CNTNAP2: variants seen among roughly 807,000 people sequenced by gnomAD.
CNTNAP2 encodes contactin-associated protein-like 2.
A neutral mutation model predicts 155.2 loss-of-function variants in CNTNAP2; 98 were observed. The observed-to-expected ratio is 0.63, with a 90% CI of 0.54 to 0.75. The LOEUF is 0.75. Among genes scored for constraint, CNTNAP2 ranks in the 30% least tolerant of loss-of-function variants. CNTNAP2 has a pLI of 0.00. For synonymous variants in CNTNAP2, 651 were observed against 631.2 expected (o/e 1.03, Z -0.47); for missense variants, 1,727 against 1,688.1 (o/e 1.02, Z -0.40).
rs1369662912 is a variant in CNTNAP2, at chr7:146,497,759, T to G, written c.98-276512T>G. 3.3e-5 allele frequency among the ~76,000 whole-genome samples: 5 copies of G among 150,196 alleles called. No homozygotes were observed. The East Asian group carries it at 9.7e-4, about 29-fold the overall frequency. ...TATTCTAACATGTATCTATGATTAC[T>G]TACTTTTAAGTAATCATACATATGA... On this transcript the variant is annotated intron_variant, in intron 1 of 23. Coordinates refer to ENST00000361727, the MANE Select transcript of CNTNAP2 (RefSeq NM_014141.6).
rs1330416334 is a variant in CNTNAP2 at position 147,389,233 on chromosome 7, G to A, written c.1499-6376G>A. The stretch of plus-strand genomic sequence containing the variant: ...AACAGTAGAGACTAGTAGATATTTT[G>A]TGCAATCTGCCAAGATCAAATTGAA... On this transcript the variant is annotated intron_variant, in intron 9 of 23. Coordinates refer to ENST00000361727, the MANE Select transcript of CNTNAP2 (RefSeq NM_014141.6). 2.0e-5 allele frequency among the ~76,000 whole-genome samples: 3 copies of A among 152,148 alleles called. No homozygotes were observed. The East Asian group carries it at 5.8e-4, about 29-fold the overall frequency.
chr7:146,185,761 C>CCTT (rs1554400925), intron 1 of CNTNAP2, among the ~76,000 whole-genome samples: 1,134 of 94,838 alleles, frequency 0.012, 31 homozygotes, highest in African/African-American at 0.037. Context: ...TTTTATTATT[C>CCTT]TTTTTTTTTT....
intron 21 of CNTNAP2, among the ~76,000 whole-genome samples, chr7:148,300,447 AT>A (rs1277258462): frequency 1.2e-4 from 18 of 152,188 alleles, no homozygotes; most frequent in Non-Finnish European, 1.3e-4. Flanking sequence ...TACAGAAAGG[AT>A]AGTCTTTTGT....
intron 3 of CNTNAP2, among the ~76,000 whole-genome samples, chr7:147,008,675 T>A (rs973345468): frequency 4.6e-5 from 7 of 152,104 alleles, no homozygotes; most frequent in Admixed American, 6.6e-5. Flanking sequence ...ACAAAAATAA[T>A]TTTATAGATA....
chr7:148,015,710 G>A (rs1026220396), intron 15 of CNTNAP2, among the ~76,000 whole-genome samples: 11 of 152,140 alleles, frequency 7.2e-5, no homozygotes, highest in South Asian at 2.1e-4. Context: ...GGCATGTTAC[G>A]CCAGAGACAG....
chr7:148,384,205 T>C (rs1157055074), intron 22 of CNTNAP2, among the ~76,000 whole-genome samples: 2 of 152,238 alleles, frequency 1.3e-5, no homozygotes, highest in Non-Finnish European at 1.5e-5. Context: ...GTCTCACTTT[T>C]GCCTCTTATG....
At chr7:148,261,835 C>T (rs951745672) in intron 20 of CNTNAP2, among the ~76,000 whole-genome samples, 1 of 152,190 alleles carries the variant, frequency 6.6e-6, no homozygotes, top group South Asian at 2.1e-4. Flanking sequence ...CTCATGTCCT[C>T]GCACTCTGGG....
intron 12 of CNTNAP2, among the ~76,000 whole-genome samples, chr7:147,615,853 A>T (rs1801280587): frequency 6.6e-6 from 1 of 152,174 alleles, no homozygotes; most frequent in African/African-American, 2.4e-5. Flanking sequence ...TTAACATTGA[A>T]ATACCACTTA....
At chr7:147,607,911 T>A (rs2116871800) in intron 12 of CNTNAP2, among the ~76,000 whole-genome samples, 1 of 152,342 alleles carries the variant, frequency 6.6e-6, no homozygotes, top group African/African-American at 2.4e-5. Context: ...AGGTTATAAA[T>A]GTGTTTATTA....
At chr7:147,696,128 C>T (rs998009628) in intron 13 of CNTNAP2, among the ~76,000 whole-genome samples, 1 of 152,160 alleles carries the variant, frequency 6.6e-6, no homozygotes, top group African/African-American at 2.4e-5. Flanking sequence ...TTTATTCAGT[C>T]TGACAATCTC....
At chr7:147,785,053 G>A (rs1020125994) in intron 13 of CNTNAP2, among the ~76,000 whole-genome samples, 38 of 152,086 alleles carry the variant, frequency 2.5e-4, no homozygotes, top group African/African-American at 8.9e-4. Flanking sequence ...AGTTGGATGT[G>A]GCTTTGTGAG....
intron 14 of CNTNAP2, among the ~76,000 whole-genome samples, chr7:147,904,885 T>C (rs764922950): frequency 2.2e-5 from 3 of 137,482 alleles, no homozygotes; most frequent in Non-Finnish European, 4.6e-5. Context: ...ATTTTATTTC[T>C]TTGAAAGATG....
At chr7:148,168,672 C>T (rs1027420163) in intron 17 of CNTNAP2, among the ~76,000 whole-genome samples, 2 of 152,104 alleles carry the variant, frequency 1.3e-5, no homozygotes, top group Non-Finnish European at 2.9e-5. Context: ...TGTAACTAAC[C>T]TGCACGTTGT....
intron 15 of CNTNAP2, among the ~76,000 whole-genome samples, chr7:148,017,952 T>G (rs1475973302): frequency 1.3e-5 from 2 of 152,122 alleles, no homozygotes; most frequent in South Asian, 2.1e-4. Flanking sequence ...AGGCAGCGAG[T>G]GACATTTTAA....
At chr7:146,506,120 A>G (rs1386688514) in intron 1 of CNTNAP2, among the ~76,000 whole-genome samples, 2 of 152,220 alleles carry the variant, frequency 1.3e-5, no homozygotes, top group East Asian at 1.9e-4. Context: ...TATAGGGCAC[A>G]CAAGTGTTGC....
chr7:147,457,842 CA>C (rs10718454), intron 10 of CNTNAP2, among the ~76,000 whole-genome samples: 116,075 of 151,560 alleles, frequency 0.77, 44,555 homozygotes, highest in African/African-American at 0.84. Context: ...AATGAATCAA[CA>C]AAAAAAAAAT....
intron 12 of CNTNAP2, among the ~76,000 whole-genome samples, chr7:147,625,661 G>A (rs981156072): frequency 1.2e-4 from 18 of 152,174 alleles, no homozygotes; most frequent in Non-Finnish European, 2.5e-4. Flanking sequence ...CTAATGTGCA[G>A]TTCTCACCTG....
At chr7:146,302,076 T>C (rs1459333167) in intron 1 of CNTNAP2, among the ~76,000 whole-genome samples, 1 of 152,174 alleles carries the variant, frequency 6.6e-6, no homozygotes, top group Non-Finnish European at 1.5e-5. Context: ...TCAGTGGTTG[T>C]AGTGGATAAT....
intron 13 of CNTNAP2, among the ~76,000 whole-genome samples, chr7:147,706,397 G>A (rs565590468): frequency 3.3e-5 from 5 of 151,566 alleles, no homozygotes; most frequent in African/African-American, 1.2e-4. Context: ...AACTTTTCTG[G>A]GTATGTAATC....
Sources: allele counts gnomAD v4.1 joint callset (sites outside exome capture counted in the v4.1 genomes callset), GRCh38; gene constraint gnomAD v4.1.1; transcripts MANE v1.5; gene names NCBI Gene and HGNC (gene_info 2026-07-23, HGNC 2026-07-21).